SMPX: variants seen among roughly 807,000 people sequenced by gnomAD.
The protein encoded by SMPX is small muscular protein.
SMPX carries 2 observed loss-of-function variants against 6.3 expected under a neutral mutation model. The ratio of observed to expected loss-of-function variants is 0.32; its 90% CI spans 0.13 to 0.99. The LOEUF (loss-of-function observed/expected upper bound fraction) is 0.99, where lower values mean the gene tolerates loss of function less well. SMPX is among the 50% of genes least tolerant of loss of function. SMPX has a pLI of 0.49. For synonymous variants in SMPX, 32 were observed against 24.7 expected (o/e 1.30, Z -0.88); for missense variants, 60 against 66.8 (o/e 0.90, Z 0.36).
intron 4 of SMPX, among the ~76,000 whole-genome samples, chrX:21,721,728 C>T (rs974879028): frequency 7.1e-5 from 8 of 112,301 alleles, no homozygotes; most frequent in African/African-American, 2.3e-4. Flanking sequence ...CTGTATCCAG[C>T]GTTTTGCTGC....
intron 2 of SMPX, among the ~76,000 whole-genome samples, chrX:21,747,679 C>A (rs749245788): frequency 9.0e-6 from 1 of 111,506 alleles, no homozygotes; most frequent in South Asian, 3.8e-4. Context: ...ACTGACAATT[C>A]CTATTGAACT....
chrX:21,721,966 A>G (rs1031754152), intron 4 of SMPX, among the ~76,000 whole-genome samples: 5 of 110,722 alleles, frequency 4.5e-5, no homozygotes, highest in African/African-American at 9.9e-5. Flanking sequence ...GTTTGAGACT[A>G]GCCTGGGCAA....
intron 4 of SMPX, among the ~76,000 whole-genome samples, chrX:21,715,262 CTGTGTGTGTGTGTGTGTGTG>C (rs34947234): frequency 3.2e-5 from 3 of 94,606 alleles, no homozygotes; most frequent in Non-Finnish European, 4.2e-5. Flanking sequence ...TCACTCTGCT[CTGTGTGTGTGTGTGTGTGTG>C]TGTGTGTGTG....
At chrX:21,725,317 T>C (rs760603975) in intron 4 of SMPX, among the ~76,000 whole-genome samples, 1 of 112,129 alleles carries the variant, frequency 8.9e-6, no homozygotes, top group African/African-American at 3.2e-5. Context: ...CAATAGTACA[T>C]AGCCTATGCA....
At chrX:21,710,853 C>A (rs2147370483) in intron 4 of SMPX, among the ~76,000 whole-genome samples, 1 of 111,664 alleles carries the variant, frequency 9.0e-6, no homozygotes, top group African/African-American at 3.3e-5. Context: ...GGAACTCCAC[C>A]AACTGATTAC....
At chrX:21,755,790 C>CTT (rs1482576654) in intron 1 of SMPX, among the ~76,000 whole-genome samples, 5 of 112,262 alleles carry the variant, frequency 4.5e-5, no homozygotes, top group Admixed American at 1.9e-4. Context: ...CAATAGGACT[C>CTT]TTTTTAAAGA....
intron 4 of SMPX, among the ~76,000 whole-genome samples, chrX:21,708,714 ATT>A (rs2092775536): frequency 8.9e-6 from 1 of 112,267 alleles, no homozygotes; most frequent in Non-Finnish European, 1.9e-5. Context: ...AGGTTCTTGT[ATT>A]TCCCCAGCAT....
intron 4 of SMPX, among the ~76,000 whole-genome samples, chrX:21,721,638 A>T (rs1164607888): frequency 8.9e-6 from 1 of 112,203 alleles, no homozygotes; most frequent in Non-Finnish European, 1.9e-5. Flanking sequence ...ACCCTCTAAG[A>T]ATTAACTGAT....
chrX:21,728,214 T>TTCTCTCTCTCTC (rs61469484), intron 4 of SMPX, among the ~76,000 whole-genome samples: 37 of 48,334 alleles, frequency 7.7e-4, no homozygotes, highest in South Asian at 2.7e-3. Context: ...TTCCCCTCCT[T>TTCTCTCTCTCTC]TCTCTCTCTC....
chrX:21,731,868 A>G (rs925472263), intron 4 of SMPX, among the ~76,000 whole-genome samples: 7 of 106,843 alleles, frequency 6.6e-5, no homozygotes, highest in Non-Finnish European at 1.3e-4. Flanking sequence ...TAGTTAGTTT[A>G]TGGTGTTGTT....
At chrX:21,751,218 T>C (rs1291018751) in intron 2 of SMPX, among the ~76,000 whole-genome samples, 2 of 112,359 alleles carry the variant, frequency 1.8e-5, no homozygotes, top group Non-Finnish European at 3.8e-5. Context: ...GTTTCTGCCC[T>C]CTTGGAAATA....
At position 21,737,623 on chromosome X, in the gene SMPX, A is replaced by G. The variant is rs746838357; in HGVS notation, c.207T>C (p.Asn69=). The G allele has an allele frequency of 1.7e-6, 2 of 1,205,327 alleles. No homozygotes were observed. The highest frequency in any genetic ancestry group is 1.1e-6 in the Non-Finnish European group (1 of 889,639). ...GAKKLPGPAV[N]LSEIQNIKSE... ...TTTTAATATTCTGGATTTCCGATAG[A>G]TTGACTGCAGGTCCTGGAAGTTTCT... Residue 69 remains asparagine, a synonymous_variant, in exon 4 of 5, where the codon AAT becomes AAC. Transcript: ENST00000379494.
At chrX:21,737,302 A>C (rs2092811479) in intron 4 of SMPX, among the ~76,000 whole-genome samples, 1 of 111,653 alleles carries the variant, frequency 9.0e-6, no homozygotes, top group Non-Finnish European at 1.9e-5. Flanking sequence ...ATCCTTCCAC[A>C]ACTAAGAAGG....
intron 4 of SMPX, among the ~76,000 whole-genome samples, chrX:21,714,866 C>T (rs890089362): frequency 2.7e-5 from 3 of 112,247 alleles, no homozygotes; most frequent in African/African-American, 9.7e-5. Flanking sequence ...ATTTTGCTTT[C>T]CAATTTACAT....
chrX:21,725,067 G>T (rs1275352506), intron 4 of SMPX, among the ~76,000 whole-genome samples: 1 of 111,990 alleles, frequency 8.9e-6, no homozygotes, highest in Non-Finnish European at 1.9e-5. Flanking sequence ...AGGCTGCCAT[G>T]TTCTCTGGCA....
chrX:21,710,627 T>C (rs2092777633), intron 4 of SMPX, among the ~76,000 whole-genome samples: 1 of 111,931 alleles, frequency 8.9e-6, no homozygotes, highest in Non-Finnish European at 1.9e-5. Context: ...GAGATGACCA[T>C]ATTTAGGAAA....
chrX:21,725,513 C>A (rs1284782133), intron 4 of SMPX, among the ~76,000 whole-genome samples: 1 of 112,333 alleles, frequency 8.9e-6, no homozygotes, highest in Non-Finnish European at 1.9e-5. Flanking sequence ...AAACGAGATG[C>A]ATTTGCTAGT....
At chrX:21,752,071 C>T (rs992622566) in intron 2 of SMPX, among the ~76,000 whole-genome samples, 8 of 112,467 alleles carry the variant, frequency 7.1e-5, no homozygotes, top group African/African-American at 2.6e-4. Flanking sequence ...ATACCACATC[C>T]ATAAGGAACC....
rs769563456 is a variant in SMPX, at chrX:21,756,608, T to C, written c.-13+1334A>G. Among the ~76,000 whole-genome samples, 5 of 112,850 alleles carry C rather than the reference T, an allele frequency of 4.4e-5. No homozygotes were observed. The South Asian group carries it at 1.8e-3, about 42-fold the overall frequency. On this transcript the variant is annotated intron_variant, in intron 1 of 4. Transcript: ENST00000379494. ...GAGAAATCAGGGCAAAGCATACTGA[T>C]GAATAAAAATAGACAGTGTTCCCTG...
Sources: allele counts gnomAD v4.1 joint callset (sites outside exome capture counted in the v4.1 genomes callset), GRCh38; gene constraint gnomAD v4.1.1; transcripts MANE v1.5; gene names NCBI Gene and HGNC (gene_info 2026-07-23, HGNC 2026-07-21).